Variants in SFI1 observed in about 807,000 individuals in gnomAD.
SFI1 encodes the protein protein SFI1 homolog.
A neutral mutation model predicts 207.5 loss-of-function variants in SFI1; 195 were observed. That is an observed-to-expected ratio of 0.94 (90% confidence interval 0.84 to 1.06). SFI1 has a LOEUF of 1.06. Among genes scored for constraint, SFI1 ranks in the 50% least tolerant of loss-of-function variants. SFI1 has a pLI of 0.00. For missense variants in SFI1, 1,634 were observed against 1,588.0 expected (o/e 1.03, Z -0.49); for synonymous variants, 630 against 598.9 (o/e 1.05, Z -0.76).
intron 2 of SFI1, among the ~76,000 whole-genome samples, chr22:31,512,440 A>C (rs1251090484): frequency 6.8e-6 from 1 of 147,590 alleles, no homozygotes; most frequent in African/African-American, 2.4e-5. Flanking sequence ...CAGTTTTTAA[A>C]TTCCTTTTTT....
intron 12 of SFI1, among the ~76,000 whole-genome samples, chr22:31,582,256 T>A (rs1204840380): frequency 4.6e-5 from 4 of 86,276 alleles, no homozygotes; most frequent in African/African-American, 1.8e-4. Context: ...TTTTTTTTTT[T>A]TTTTTTTTTT....
At position 31,556,951 on chromosome 22, in the gene SFI1, A is replaced by C; in HGVS notation, c.554A>C (p.Gln185Pro). 1 of 1,600,770 alleles carries C rather than the reference A, an allele frequency of 6.2e-7. No homozygotes were observed. ...YIRAEVHDAKQKMRQAWKSWL... is the reference protein window; with the variant it reads ...YIRAEVHDAKPKMRQAWKSWL... Reference sequence around the variant, plus strand: ...TCTTTGGTGAATCTAGATGCAAAGCAAAAGATGCGACAGGCCTGGAAGTCC... The same window carrying C: ...TCTTTGGTGAATCTAGATGCAAAGCCAAAGATGCGACAGGCCTGGAAGTCC... The change falls in exon 7 of 33, where the codon CAA (glutamine) becomes CCA (proline). Residue 185 changes from glutamine to proline, a missense_variant. Gln to Pro is a moderately conservative substitution (Grantham distance 76). Transcript: ENST00000400288.
chr22:31,499,379 A>G (rs909639972), intron 1 of SFI1, among the ~76,000 whole-genome samples: 1 of 152,018 alleles, frequency 6.6e-6, no homozygotes, highest in African/African-American at 2.4e-5. Flanking sequence ...TATTTTTAGT[A>G]GAGACAGGGT....
chr22:31,589,181 AGAGT>A (rs1165036670), intron 14 of SFI1, among the ~76,000 whole-genome samples: 8 of 138,796 alleles, frequency 5.8e-5, no homozygotes, highest in African/African-American at 1.6e-4. Context: ...GGGGGAAGAG[AGAGT>A]GAGTGAGAGT....
intron 10 of SFI1, chr22:31,577,971 G>C (rs1215009113): frequency 6.5e-6 from 1 of 153,866 alleles, no homozygotes; most frequent in Admixed American, 6.4e-5. Flanking sequence ...GATTAGATGA[G>C]AGTGGGAGGA....
At chr22:31,544,010 G>A (rs1175728489) in intron 4 of SFI1, among the ~76,000 whole-genome samples, 1 of 148,422 alleles carries the variant, frequency 6.7e-6, no homozygotes, top group Non-Finnish European at 1.5e-5. Context: ...GCAACATGGC[G>A]AAAACCCGTC....
chr22:31,507,335 A>G (rs1354112409), intron 1 of SFI1, among the ~76,000 whole-genome samples: 3 of 152,128 alleles, frequency 2.0e-5, no homozygotes, highest in Non-Finnish European at 4.4e-5. Context: ...CCTTCTTTAC[A>G]CCATATATAA....
At chr22:31,582,206 T>TTATATATATATATA (rs1569376532) in intron 12 of SFI1, among the ~76,000 whole-genome samples, 2 of 36,600 alleles carry the variant, frequency 5.5e-5, no homozygotes, top group African/African-American at 2.3e-4. Context: ...TTATTACATT[T>TTATATATATATATA]TATATATATA....
intron 20 of SFI1, chr22:31,605,905 A>G (rs74774421): frequency 0.02 from 3,761 of 186,872 alleles, 132 homozygotes; most frequent in African/African-American, 0.082. Context: ...CCCATAGAGC[A>G]CCCATCCCGC....
intron 15 of SFI1, among the ~76,000 whole-genome samples, chr22:31,595,892 T>G (rs1285804694): frequency 1.3e-5 from 2 of 152,202 alleles, no homozygotes; most frequent in East Asian, 3.8e-4. Flanking sequence ...TTCAGTGTAC[T>G]TTATCTTAGG....
intron 4 of SFI1, among the ~76,000 whole-genome samples, chr22:31,534,286 C>A (rs1193603494): frequency 6.6e-6 from 1 of 152,134 alleles, no homozygotes; most frequent in African/African-American, 2.4e-5. Flanking sequence ...AGCCACTGTG[C>A]CCAGCCTATT....
intron 8 of SFI1, chr22:31,572,629 G>A (rs1361832363): frequency 1.9e-5 from 3 of 155,976 alleles, no homozygotes; most frequent in African/African-American, 7.2e-5. Flanking sequence ...AGCCTCCTGA[G>A]TAGCTGGGAT....
intron 15 of SFI1, among the ~76,000 whole-genome samples, chr22:31,594,598 G>C (rs1253882661): frequency 2.0e-5 from 3 of 148,528 alleles, no homozygotes; most frequent in African/African-American, 7.4e-5. Flanking sequence ...GCTCATGTCT[G>C]TAATCCCAGC....
At chr22:31,553,912 G>C in intron 6 of SFI1, among the ~76,000 whole-genome samples, 1 of 125,002 alleles carries the variant, frequency 8.0e-6, no homozygotes, top group South Asian at 2.8e-4. Flanking sequence ...AGTGGTGTGA[G>C]GATAACCCAT....
chr22:31,614,643 C>T (rs925798962), intron 27 of SFI1, 146 bp from the exon 28 acceptor site: 3 of 872,084 alleles, frequency 3.4e-6, no homozygotes, highest in South Asian at 2.8e-5. Context: ...CTCTATGGCC[C>T]AGGCCCACCC....
At chr22:31,579,380 A>G (rs2063844476) in intron 11 of SFI1, among the ~76,000 whole-genome samples, 1 of 150,140 alleles carries the variant, frequency 6.7e-6, no homozygotes, top group South Asian at 2.1e-4. Context: ...CAGTGGTGCT[A>G]TCTTGGCTCA....
chr22:31,580,601 G>A (rs1373239182), intron 12 of SFI1, among the ~76,000 whole-genome samples: 1 of 137,474 alleles, frequency 7.3e-6, no homozygotes, highest in Non-Finnish European at 1.5e-5. Flanking sequence ...GTAATACAGT[G>A]GCACGATCTC....
chr22:31,526,974 G>A (rs1372633583), intron 2 of SFI1, among the ~76,000 whole-genome samples: 2 of 151,984 alleles, frequency 1.3e-5, no homozygotes, highest in East Asian at 1.9e-4. Flanking sequence ...ATGGCTCACC[G>A]CAACCTCCGC....
At chr22:31,510,316 T>TC (rs2055311339) in intron 2 of SFI1, among the ~76,000 whole-genome samples, 1 of 152,092 alleles carries the variant, frequency 6.6e-6, no homozygotes, top group Non-Finnish European at 1.5e-5. Context: ...TGCCTCAGCC[T>TC]CCCAAAGTGC....
Sources: allele counts gnomAD v4.1 joint callset (sites outside exome capture counted in the v4.1 genomes callset), GRCh38; gene constraint gnomAD v4.1.1; transcripts MANE v1.5; gene names NCBI Gene and HGNC (gene_info 2026-07-23, HGNC 2026-07-21).